DPP6: variants seen among roughly 807,000 people sequenced by gnomAD.
DPP6 encodes the protein A-type potassium channel modulatory protein DPP6.
DPP6 carries 69 observed loss-of-function variants against 122.6 expected under a neutral mutation model. The ratio of observed to expected loss-of-function variants is 0.56; its 90% confidence interval spans 0.46 to 0.69. The LOEUF is 0.69. DPP6 is among the 30% of genes least tolerant of loss of function. The probability of loss-of-function intolerance (pLI) is 0.00; values close to 1 mark genes in which losing one functional copy is unlikely to be tolerated. For synonymous variants in DPP6, 418 were observed against 433.1 expected, an observed-to-expected ratio of 0.97 and a Z score of 0.43; for missense variants, 928 against 1,116.9, an observed-to-expected ratio of 0.83 and a Z score of 2.41.
intron 1 of DPP6, among the ~76,000 whole-genome samples, chr7:154,016,786 TC>T (rs2129050556): frequency 6.6e-6 from 1 of 152,308 alleles, no homozygotes; most frequent in Non-Finnish European, 1.5e-5. Context: ...CACAAGTGTT[TC>T]CCTTTCTACA....
intron 1 of DPP6, among the ~76,000 whole-genome samples, chr7:154,214,049 A>T (rs1430782161): frequency 6.6e-6 from 1 of 152,234 alleles, no homozygotes; most frequent in Non-Finnish European, 1.5e-5. Flanking sequence ...CTTAGGAAAC[A>T]TGAAGCCCCC....
intron 2 of DPP6, among the ~76,000 whole-genome samples, chr7:154,450,917 A>G (rs935676624): frequency 3.3e-5 from 5 of 152,214 alleles, no homozygotes; most frequent in Admixed American, 1.3e-4. Context: ...GTGTAAGAAC[A>G]TGATTACTGC....
chr7:154,553,910 A>G (rs1021642318), intron 4 of DPP6, among the ~76,000 whole-genome samples: 106 of 151,766 alleles, frequency 7.0e-4, no homozygotes, highest in African/African-American at 2.5e-3. Flanking sequence ...GCCAAAAAAA[A>G]AAAAAAAAAA....
chr7:154,430,887 G>A (rs1319248071), intron 1 of DPP6, among the ~76,000 whole-genome samples: 2 of 114,572 alleles, frequency 1.7e-5, no homozygotes, highest in Non-Finnish European at 4.1e-5. Flanking sequence ...TGACTCATTC[G>A]AATGTTTCTT....
the DPP6 span, among the ~76,000 whole-genome samples, chr7:153,760,419 T>C: frequency 6.6e-6 from 1 of 152,144 alleles, no homozygotes; most frequent in African/African-American, 2.4e-5. Flanking sequence ...ATTTGTATTG[T>C]TTTGCTTCTC....
intron 5 of DPP6, among the ~76,000 whole-genome samples, chr7:154,575,011 TTGTG>T (rs1831449734): frequency 1.6e-5 from 2 of 126,912 alleles, no homozygotes; most frequent in African/African-American, 6.0e-5. Flanking sequence ...GTGTGTGTGT[TTGTG>T]GGTGGTGTAT....
intron 1 of DPP6, among the ~76,000 whole-genome samples, chr7:154,171,371 C>T (rs866731836): frequency 1.5e-4 from 23 of 152,288 alleles, no homozygotes; most frequent in Middle Eastern, 6.8e-3. Flanking sequence ...ATACACGTCT[C>T]GACAACTGCA....
intron 6 of DPP6, among the ~76,000 whole-genome samples, chr7:154,641,872 C>T (rs181941206): frequency 3.7e-4 from 56 of 152,230 alleles, no homozygotes; most frequent in Middle Eastern, 3.4e-3. Flanking sequence ...CATTTTTTTA[C>T]GTGACTGGCC....
At chr7:154,178,735 C>T (rs1414179445) in intron 1 of DPP6, among the ~76,000 whole-genome samples, 1 of 152,196 alleles carries the variant, frequency 6.6e-6, no homozygotes, top group Non-Finnish European at 1.5e-5. Context: ...ATGATCCTGC[C>T]TCATTCTGCA....
Position 154,021,550 on chromosome 7 carries a change from G to A in DPP6, c.51+133816G>A, listed in dbSNP as rs193172439. 7.9e-5 allele frequency among the ~76,000 whole-genome samples: 12 copies of A among 152,258 alleles called. No individual in the cohort carries two copies. In the East Asian group the frequency reaches 2.3e-3, roughly 29 times the overall value. On this transcript the variant is annotated intron_variant, in intron 1 of 25. Coordinates refer to the DPP6 transcript ENST00000404039. The stretch of plus-strand genomic sequence containing the variant: ...TTTTCACATAAAAATGGGAAAAATG[G>A]AGGCAGAGGAAACCATATATCCCAA...
chr7:153,918,458 ACACACACACT>A (rs67763450), intron 1 of DPP6, among the ~76,000 whole-genome samples: 16,507 of 94,830 alleles, frequency 0.17, 1,033 homozygotes, highest in South Asian at 0.26. Flanking sequence ...ACACACACAC[ACACACACACT>A]CTCTCTCTCT....
At chr7:153,760,303 A>G in the DPP6 span, among the ~76,000 whole-genome samples, 1 of 152,128 alleles carries the variant, frequency 6.6e-6, no homozygotes, top group Non-Finnish European at 1.5e-5. Context: ...TTTTGCACAT[A>G]TGGAATTCAG....
chr7:154,567,411 T>C (rs948397889), intron 5 of DPP6, among the ~76,000 whole-genome samples: 3 of 152,188 alleles, frequency 2.0e-5, no homozygotes, highest in Non-Finnish European at 4.4e-5. Flanking sequence ...TCCCATAAAA[T>C]TTCACCAGAA....
At chr7:154,305,632 G>A in intron 1 of DPP6, 1 of 1,516,066 alleles carries the variant, frequency 6.6e-7, no homozygotes, top group South Asian at 1.2e-5. Flanking sequence ...GAGAGAGACA[G>A]AGACAGAGAG....
chr7:154,320,432 C>T (rs207468849), intron 1 of DPP6, among the ~76,000 whole-genome samples: 1 of 152,058 alleles, frequency 6.6e-6, no homozygotes, highest in East Asian at 1.9e-4. Flanking sequence ...AAACTGTATC[C>T]ATAATCCATA....
At chr7:154,310,896 G>C (rs1200335494) in intron 1 of DPP6, among the ~76,000 whole-genome samples, 1 of 152,156 alleles carries the variant, frequency 6.6e-6, no homozygotes, top group Non-Finnish European at 1.5e-5. Context: ...GCCTGTGTTT[G>C]GCACTCACTG....
At position 154,758,225 on chromosome 7, in the gene DPP6, G is replaced by A. The variant is rs538581669; in HGVS notation, c.884-11192G>A. Reference sequence around the variant, plus strand: ...AGAATCTCTCTAACAAGGCTGAGTCGGTGTGTCAGTCAGGGCCGGGAAACA... The same window carrying A: ...AGAATCTCTCTAACAAGGCTGAGTCAGTGTGTCAGTCAGGGCCGGGAAACA... On this transcript the variant is annotated intron_variant, in intron 8 of 25. Transcript: ENST00000377770. Among the ~76,000 whole-genome samples, 102 of 152,156 alleles carry A rather than the reference G, an allele frequency of 6.7e-4. 1 individual carries two copies. Among genetic ancestry groups the A allele is most frequent in the Middle Eastern group, 3.2e-3 (1 of 316 alleles).
At chr7:153,808,238 C>T in the DPP6 span, among the ~76,000 whole-genome samples, 4 of 147,680 alleles carry the variant, frequency 2.7e-5, no homozygotes, top group East Asian at 2.0e-4. Flanking sequence ...CCTGAGTGTG[C>T]GTGTGTGCAC....
chr7:153,773,557 T>C, the DPP6 span, among the ~76,000 whole-genome samples: 4 of 151,566 alleles, frequency 2.6e-5, no homozygotes, highest in East Asian at 1.9e-4. Context: ...TAATATCCAA[T>C]AGGTATCTAG....
Sources: gnomAD v4.1 joint callset for allele counts (sites outside exome capture counted in the v4.1 genomes callset) on GRCh38, gnomAD v4.1.1 for gene constraint, MANE v1.5 for transcripts, NCBI Gene and HGNC (gene_info 2026-07-23, HGNC 2026-07-21) for gene names.